The following RAB3C variants were observed in gnomAD, a reference collection of about 807,000 sequenced individuals.
RAB3C encodes ras-related protein Rab-3C.
A neutral mutation model predicts 26.4 loss-of-function variants in RAB3C; 17 were observed. That is an observed-to-expected ratio of 0.64 (90% confidence interval 0.44 to 0.97). RAB3C has a LOEUF of 0.97. RAB3C is among the 50% of genes least tolerant of loss of function. The pLI is 0.00. For missense variants in RAB3C, 242 were observed against 281.9 expected, an observed-to-expected ratio of 0.86 and a Z score of 1.01; for synonymous variants, 91 against 95.9, an observed-to-expected ratio of 0.95 and a Z score of 0.30.
intron 3 of RAB3C, among the ~76,000 whole-genome samples, chr5:58,731,503 G>A (rs1224802530): frequency 2.6e-5 from 4 of 152,104 alleles, no homozygotes; most frequent in African/African-American, 7.2e-5. Context: ...TTGAAACAGA[G>A]AAGAAAAAGC....
At position 58,856,170 on chromosome 5, in the gene RAB3C, A is replaced by G. The variant is rs1561155073; in HGVS notation, c.*4819A>G. ...AGGGAGCTTTTACTATGTTCCAGCTATAACTCACATCTTACTTATAAGGTC... is the reference window on the plus strand; with the variant it reads ...AGGGAGCTTTTACTATGTTCCAGCTGTAACTCACATCTTACTTATAAGGTC... On this transcript the variant is annotated 3_prime_UTR_variant, in exon 5 of 5. Coordinates refer to ENST00000282878, the MANE Select transcript of RAB3C (RefSeq NM_138453.4). The G allele has an allele frequency of 6.6e-6, 1 of 152,056 alleles. No individual in the cohort carries two copies. Among genetic ancestry groups the G allele is most frequent in the African/African-American group, 2.4e-5 (1 of 41,402 alleles). 9.4% of individuals were successfully genotyped at this position (152,056 alleles called of 1,614,324 possible). A position where few individuals can be genotyped will look rare whatever the true frequency, so the allele number is the denominator to read the frequency against.
intron 2 of RAB3C, among the ~76,000 whole-genome samples, chr5:58,701,777 T>C (rs571642674): frequency 1.8e-4 from 27 of 152,328 alleles, no homozygotes; most frequent in African/African-American, 6.5e-4. Flanking sequence ...ACCTTTTCTT[T>C]TGTTTTCACC....
At chr5:58,711,219 G>A (rs1043809202) in intron 2 of RAB3C, among the ~76,000 whole-genome samples, 20 of 152,154 alleles carry the variant, frequency 1.3e-4, no homozygotes, top group Non-Finnish European at 2.5e-4. Context: ...TCTCCCCTGG[G>A]AGTGGGATGA....
Position 58,617,701 on chromosome 5 carries a change from A to G in RAB3C, c.83A>G (p.Asp28Gly), listed in dbSNP as rs200827264. ...AAAGACTCCTCTGATCAGAACTTTG[A>G]CTACATGTTCAAATTACTCATCATC... ...GQKDSSDQNF[D>G]YMFKLLIIGN... The change falls in exon 2 of 5, where the codon GAC becomes GGC. Residue 28 changes from aspartate to glycine, a missense_variant. By Grantham distance (94) the Asp-to-Gly change is moderately conservative. Coordinates refer to ENST00000282878, the MANE Select transcript of RAB3C (RefSeq NM_138453.4). 1.2e-6 allele frequency: 2 copies of G among 1,614,024 alleles called. No individual in the cohort carries two copies. The highest frequency in any genetic ancestry group is 1.7e-6 in the Non-Finnish European group (2 of 1,179,928).
At chr5:58,598,506 G>C (rs58074089) in intron 1 of RAB3C, among the ~76,000 whole-genome samples, 3,008 of 152,008 alleles carry the variant, frequency 0.02, 92 homozygotes, top group African/African-American at 0.068. Context: ...CTCTCTCCAG[G>C]TTTCTACAAA....
chr5:58,675,785 T>C (rs188858759), intron 2 of RAB3C, among the ~76,000 whole-genome samples: 13 of 152,252 alleles, frequency 8.5e-5, no homozygotes, highest in Middle Eastern at 3.4e-3. Context: ...CTGAGATGAA[T>C]GTATCTTCTA....
At chr5:58,833,583 G>A (rs1163289152) in intron 4 of RAB3C, among the ~76,000 whole-genome samples, 1 of 152,084 alleles carries the variant, frequency 6.6e-6, no homozygotes, top group African/African-American at 2.4e-5. Context: ...GAGGTACCTG[G>A]CCTGAGTAAC....
chr5:58,699,778 C>T (rs1050863500), intron 2 of RAB3C, among the ~76,000 whole-genome samples: 12 of 152,328 alleles, frequency 7.9e-5, no homozygotes, highest in African/African-American at 2.6e-4. Context: ...AAGCCAGTCA[C>T]GGGAGAGAAT....
At position 58,823,106 on chromosome 5, in the gene RAB3C, A is replaced by T. The variant is rs1053193751; in HGVS notation, c.372-1932A>T. Reference sequence around the variant, plus strand: ...TGCAGAAGCGCATGGGAAACACATCATGGGTCAGAATGATGCAGATTACAT... The same window carrying T: ...TGCAGAAGCGCATGGGAAACACATCTTGGGTCAGAATGATGCAGATTACAT... On this transcript the variant is annotated intron_variant, in intron 3 of 4. Coordinates refer to ENST00000282878, the MANE Select transcript of RAB3C (RefSeq NM_138453.4). 3 of 471,148 alleles carry T rather than the reference A, an allele frequency of 6.4e-6. 1 individual carries two copies. Among genetic ancestry groups the T allele is most frequent in the South Asian group, 5.4e-5 (3 of 55,968 alleles). The allele number at this position is 471,148 out of a possible 1,614,324, so 29.2% of individuals were successfully genotyped here.
Position 58,724,878 on chromosome 5 carries a change from A to G in RAB3C, c.253-1124A>G, listed in dbSNP as rs147000505. Reference sequence around the variant, plus strand: ...CTGACTTTGTGTTATTACAATTTACATATATTTATATTGCCTTTCTCTTAA... The same window carrying G: ...CTGACTTTGTGTTATTACAATTTACGTATATTTATATTGCCTTTCTCTTAA... On this transcript the variant is annotated intron_variant, in intron 2 of 4. Coordinates refer to ENST00000282878, the MANE Select transcript of RAB3C (RefSeq NM_138453.4). Among the ~76,000 whole-genome samples, 405 of 151,586 alleles carry G rather than the reference A, an allele frequency of 2.7e-3. 1 individual carries two copies. Among genetic ancestry groups the G allele is most frequent in the African/African-American group, 8.7e-3 (360 of 41,454 alleles).
chr5:58,707,686 G>C (rs1187912727), intron 2 of RAB3C, among the ~76,000 whole-genome samples: 2 of 152,120 alleles, frequency 1.3e-5, no homozygotes, highest in African/African-American at 2.4e-5. Context: ...CTTGGAGAAG[G>C]TACACATTCC....
chr5:58,583,968 G>A (rs1354207441), intron 1 of RAB3C, among the ~76,000 whole-genome samples: 3 of 152,178 alleles, frequency 2.0e-5, no homozygotes, highest in African/African-American at 7.2e-5. Context: ...TAAGCATCTT[G>A]CTTAAGTTTT....
At chr5:58,807,667 TG>T (rs1260079537) in intron 3 of RAB3C, among the ~76,000 whole-genome samples, 4 of 151,670 alleles carry the variant, frequency 2.6e-5, no homozygotes, top group African/African-American at 4.8e-5. Flanking sequence ...ACTACAATGG[TG>T]GGGGGGCAAA....
intron 1 of RAB3C, among the ~76,000 whole-genome samples, chr5:58,602,137 T>G (rs1448297416): frequency 1.3e-5 from 2 of 152,170 alleles, no homozygotes; most frequent in Non-Finnish European, 2.9e-5. Context: ...GTCATTTAAC[T>G]TCCATGTATT....
intron 2 of RAB3C, among the ~76,000 whole-genome samples, chr5:58,618,280 C>G (rs1230320983): frequency 6.6e-6 from 1 of 152,016 alleles, no homozygotes; most frequent in African/African-American, 2.4e-5. Context: ...CAGAAAGCAG[C>G]CTCTCCTGGG....
chr5:58,639,155 C>A (rs993593383), intron 2 of RAB3C, among the ~76,000 whole-genome samples: 1 of 152,122 alleles, frequency 6.6e-6, no homozygotes, highest in Non-Finnish European at 1.5e-5. Flanking sequence ...GTATGCTTTT[C>A]AGATAATAGC....
intron 1 of RAB3C, among the ~76,000 whole-genome samples, chr5:58,584,743 G>A (rs574390834): frequency 1.3e-5 from 2 of 152,082 alleles, no homozygotes; most frequent in African/African-American, 4.8e-5. Context: ...GAAAAATAAA[G>A]TAGATTGTTA....
intron 4 of RAB3C, among the ~76,000 whole-genome samples, chr5:58,848,741 C>T (rs1285207343): frequency 6.6e-6 from 1 of 151,984 alleles, no homozygotes; most frequent in Non-Finnish European, 1.5e-5. Flanking sequence ...TCATGATAAC[C>T]CTGTAAGTTA....
At chr5:58,688,007 A>G (rs935968094) in intron 2 of RAB3C, among the ~76,000 whole-genome samples, 34 of 152,254 alleles carry the variant, frequency 2.2e-4, no homozygotes, top group Admixed American at 2.0e-3. Context: ...TTTCCAACAT[A>G]TGAACTATTT....
Sources: allele counts gnomAD v4.1 joint callset (sites outside exome capture counted in the v4.1 genomes callset), GRCh38; gene constraint gnomAD v4.1.1; transcripts MANE v1.5; gene names NCBI Gene and HGNC (gene_info 2026-07-23, HGNC 2026-07-21).